RIMS1: variants seen among roughly 807,000 people sequenced by gnomAD.
RIMS1 encodes the protein regulating synaptic membrane exocytosis protein 1.
RIMS1 carries 83 observed loss-of-function variants against 214.1 expected under a neutral mutation model. The observed-to-expected ratio is 0.39, with a 90% CI of 0.32 to 0.47. The LOEUF is 0.47. RIMS1 is among the 20% of genes least tolerant of loss of function. The pLI is 0.99. For synonymous variants in RIMS1, 793 were observed against 786.8 expected (o/e 1.01, Z -0.13); for missense variants, 2,050 against 2,161.8 (o/e 0.95, Z 1.03).
intron 4 of RIMS1, among the ~76,000 whole-genome samples, chr6:72,146,926 G>T (rs2042841695): frequency 6.6e-6 from 1 of 152,108 alleles, no homozygotes; most frequent in South Asian, 2.1e-4. Flanking sequence ...TGTAGATACG[G>T]TCTGACTCTT....
intron 2 of RIMS1, among the ~76,000 whole-genome samples, chr6:71,988,748 C>A (rs1470636553): frequency 6.6e-6 from 1 of 152,228 alleles, no homozygotes; most frequent in East Asian, 1.9e-4. Flanking sequence ...TGGCCCATAG[C>A]AAACTGTAAT....
chr6:72,338,592 G>A (rs188257485), intron 29 of RIMS1, among the ~76,000 whole-genome samples: 2 of 152,064 alleles, frequency 1.3e-5, no homozygotes, highest in African/African-American at 4.8e-5. Context: ...CTAATATCCA[G>A]CATCTACAAT....
intron 22 of RIMS1, among the ~76,000 whole-genome samples, chr6:72,266,691 A>G (rs987200228): frequency 1.2e-4 from 18 of 152,106 alleles, no homozygotes; most frequent in African/African-American, 4.3e-4. Context: ...ATTCTGATAT[A>G]TTCATTGATG....
At chr6:72,168,726 T>G (rs1360509220) in intron 4 of RIMS1, among the ~76,000 whole-genome samples, 2 of 143,532 alleles carry the variant, frequency 1.4e-5, no homozygotes, top group East Asian at 2.0e-4. Context: ...TCAGGGTTTT[T>G]TTTTTTTTTT....
chr6:72,260,587 A>G (rs1167310772), intron 18 of RIMS1, 118 bp from the exon 19 acceptor site: 2 of 1,347,090 alleles, frequency 1.5e-6, no homozygotes, highest in Non-Finnish European at 2.1e-6. Context: ...TCTCAAGCAA[A>G]TATGCTAGTG....
intron 4 of RIMS1, among the ~76,000 whole-genome samples, chr6:72,167,830 G>T (rs747946502): frequency 6.6e-6 from 1 of 151,756 alleles, no homozygotes; most frequent in Admixed American, 6.6e-5. Context: ...GACCAGTGCT[G>T]TGGGATTTTA....
At chr6:72,256,860 A>G (rs1406945395) in intron 16 of RIMS1, among the ~76,000 whole-genome samples, 1 of 152,024 alleles carries the variant, frequency 6.6e-6, no homozygotes, top group East Asian at 1.9e-4. Flanking sequence ...ATATTTTGAT[A>G]AGAAAAAATT....
At chr6:72,036,836 T>G (rs1290525977) in intron 2 of RIMS1, among the ~76,000 whole-genome samples, 1 of 152,174 alleles carries the variant, frequency 6.6e-6, no homozygotes, top group East Asian at 1.9e-4. Flanking sequence ...AGAGTTGTTC[T>G]CAAGCTAGAA....
At chr6:72,284,977 G>A (rs2091780026) in intron 24 of RIMS1, among the ~76,000 whole-genome samples, 1 of 152,156 alleles carries the variant, frequency 6.6e-6, no homozygotes, top group African/African-American at 2.4e-5. Context: ...TTCTGAGAGG[G>A]GACAACGTGA....
In RIMS1 at chr6:72,307,344, G is replaced by A. The variant is rs2095261230; in HGVS notation, c.3937G>A (p.Glu1313Lys). The A allele has an allele frequency of 6.2e-7, 1 of 1,600,644 alleles. No homozygotes were observed. Among genetic ancestry groups the A allele is most frequent in the Non-Finnish European group, 8.5e-7 (1 of 1,173,774 alleles). ...GACAACAGGGTCTGGTTCTAGTCAA[G>A]AACTTGATCGCGAGCAATATTCCAA... ...KQTTGSGSSQELDREQYSKYN... is the reference protein window; with the variant it reads ...KQTTGSGSSQKLDREQYSKYN... Residue 1313 changes from glutamate to lysine, a missense_variant, in exon 27 of 34, where the codon GAA becomes AAA. By Grantham distance (56) the Glu-to-Lys change is moderately conservative (BLOSUM62 1). Around this residue, in one of 6 missense-constraint regions of RIMS1, gnomAD observed 889 missense variants for 885.5 expected, o/e 1.00. Coordinates refer to ENST00000521978, the MANE Select transcript of RIMS1 (RefSeq NM_014989.7).
chr6:72,181,578 G>A (rs1030141679), intron 5 of RIMS1, among the ~76,000 whole-genome samples: 2 of 152,140 alleles, frequency 1.3e-5, no homozygotes, highest in Admixed American at 1.3e-4. Context: ...TTTTTGTTCT[G>A]ACTTTTTAGT....
chr6:72,005,602 C>T (rs1315036353), intron 2 of RIMS1, among the ~76,000 whole-genome samples: 2 of 152,040 alleles, frequency 1.3e-5, no homozygotes, highest in Non-Finnish European at 2.9e-5. Flanking sequence ...AGACTAAAAC[C>T]ATAATCAGGT....
At chr6:72,263,178 G>T (rs1563232092) in intron 19 of RIMS1, 1 of 984,560 alleles carries the variant, frequency 1.0e-6, no homozygotes, top group Non-Finnish European at 1.2e-6. Context: ...TGTCTACCTT[G>T]AAATTTAATA....
chr6:72,100,435 T>C (rs759785501), intron 4 of RIMS1, among the ~76,000 whole-genome samples: 1 of 152,070 alleles, frequency 6.6e-6, no homozygotes, highest in Non-Finnish European at 1.5e-5. Flanking sequence ...TATTTTTCTA[T>C]AGAACACAAG....
intron 4 of RIMS1, among the ~76,000 whole-genome samples, chr6:72,135,612 A>G (rs181428373): frequency 6.6e-6 from 1 of 152,162 alleles, no homozygotes; most frequent in African/African-American, 2.4e-5. Flanking sequence ...GCCTGAGGTG[A>G]CTTGATATCC....
chr6:71,970,912 G>C (rs1407070295), intron 2 of RIMS1, among the ~76,000 whole-genome samples: 2 of 152,156 alleles, frequency 1.3e-5, no homozygotes, highest in African/African-American at 4.8e-5. Context: ...TTGGGAGGGG[G>C]TAATTGAGGA....
intron 2 of RIMS1, among the ~76,000 whole-genome samples, chr6:71,984,183 C>G (rs1295624296): frequency 6.6e-6 from 1 of 152,096 alleles, no homozygotes; most frequent in East Asian, 1.9e-4. Flanking sequence ...ATGTTTCTAT[C>G]AGCCTGAGAA....
intron 1 of RIMS1, among the ~76,000 whole-genome samples, chr6:71,927,739 G>A (rs1781947882): frequency 6.6e-6 from 1 of 151,676 alleles, no homozygotes; most frequent in African/African-American, 2.4e-5. Flanking sequence ...TCATTACTTT[G>A]AAAAAAGAGG....
intron 19 of RIMS1, chr6:72,263,276 A>G: frequency 1.0e-6 from 1 of 985,120 alleles, no homozygotes; most frequent in Non-Finnish European, 1.2e-6. Context: ...ACCTTTTTTT[A>G]GTAAAACGTG....
Sources: gnomAD v4.1 joint callset for allele counts (sites outside exome capture counted in the v4.1 genomes callset) on GRCh38, gnomAD v4.1.1 for gene constraint, gnomAD v4.1.1 regional missense constraint, MANE v1.5 for transcripts, NCBI Gene and HGNC (gene_info 2026-07-23, HGNC 2026-07-21) for gene names.